Variants in EXOC2 observed in about 807,000 individuals in gnomAD.
The protein encoded by EXOC2 is SEC5-like 1.
A neutral mutation model predicts 131.8 loss-of-function variants in EXOC2; 70 were observed. That is an observed-to-expected ratio of 0.53 (90% CI 0.44 to 0.65). The LOEUF (loss-of-function observed/expected upper bound fraction) is 0.65. Ranked by LOEUF, EXOC2 falls within the 30% of genes least tolerant of loss-of-function variation. The pLI, the probability that EXOC2 is intolerant of heterozygous loss-of-function variation, is 0.00. For synonymous variants in EXOC2, 411 were observed against 398.4 expected, an observed-to-expected ratio of 1.03 and a Z score of -0.38; for missense variants, 923 against 1,108.6, an observed-to-expected ratio of 0.83 and a Z score of 2.38.
rs149220675 is a variant in EXOC2 at position 500,203 on chromosome 6, C to T, written c.2381-503G>A. On this transcript the variant is annotated intron_variant, in intron 23 of 27. Transcript: ENST00000230449. ...AATATCAATTATAGCATCTTACTAC[C>T]AAAGGTGAAAGTCAAGTTATTGAGC... 3.5e-3 allele frequency among the ~76,000 whole-genome samples: 528 copies of T among 152,206 alleles called. 4 individuals carry two copies. Among genetic ancestry groups the T allele is most frequent in the Middle Eastern group, 0.02 (6 of 294 alleles).
At chr6:555,805 C>T (rs544296468) in intron 19 of EXOC2, 149 bp downstream of exon 19, 2 of 725,328 alleles carry the variant, frequency 2.8e-6, no homozygotes, top group East Asian at 2.8e-5. Flanking sequence ...AACTTTGTTA[C>T]CCACTTACCT....
At position 562,818 on chromosome 6, in the gene EXOC2, T is replaced by C; in HGVS notation, c.1817A>G (p.Asp606Gly). The C allele has an allele frequency of 6.3e-7, 1 of 1,599,718 alleles. No individual in the cohort carries two copies. Among genetic ancestry groups the C allele is most frequent in the Admixed American group, 1.7e-5 (1 of 57,742 alleles). Residue 606 changes from aspartate (D) to glycine (G), a missense_variant, in exon 17 of 28, where the codon GAC (aspartate) becomes GGC (glycine). Physicochemically the swap from Asp to Gly is moderately conservative, Grantham distance 94. Transcript: ENST00000230449. ...CAGTCCTTCATTGTCAACAATCCAG[T>C]CTTCTTTTTCAGCTAATCTCTTTAT... ...EEIKRLAEKE[D>G]WIVDNEGLTS...
intron 11 of EXOC2, among the ~76,000 whole-genome samples, chr6:577,748 T>C (rs1458218107): frequency 6.6e-6 from 1 of 152,210 alleles, no homozygotes; most frequent in Non-Finnish European, 1.5e-5. Flanking sequence ...CACTTGAATA[T>C]TCTCCCTACA....
intron 1 of EXOC2, chr6:657,345 T>G (rs1424217595): frequency 6.3e-6 from 1 of 159,396 alleles, no homozygotes; most frequent in East Asian, 1.8e-4. Flanking sequence ...AATCGGCATA[T>G]AAGAAGATAT....
At chr6:628,114 C>A (rs1311485400) in intron 4 of EXOC2, among the ~76,000 whole-genome samples, 1 of 152,192 alleles carries the variant, frequency 6.6e-6, no homozygotes, top group East Asian at 1.9e-4. Flanking sequence ...CTCCTCACTT[C>A]CTGATTCCTC....
At chr6:651,167 A>G (rs965857836) in intron 1 of EXOC2, among the ~76,000 whole-genome samples, 5 of 151,926 alleles carry the variant, frequency 3.3e-5, no homozygotes, top group African/African-American at 1.2e-4. Context: ...AATAGCTGAG[A>G]CTACAGGCGC....
intron 2 of EXOC2, among the ~76,000 whole-genome samples, chr6:633,655 T>A (rs934008021): frequency 6.2e-4 from 94 of 152,206 alleles, no homozygotes; most frequent in African/African-American, 2.0e-3. Context: ...AGTCAGGTAA[T>A]CTAGTGAAGT....
Position 494,577 on chromosome 6 carries a change from C to T in EXOC2, c.2559+2790G>A, listed in dbSNP as rs1030172126. ...ACAATACAGAACCAGCACCCTGTGA[C>T]GATCCCTAAGGCCCCACCCTAGGAA... On this transcript the variant is annotated intron_variant, in intron 25 of 27. Coordinates refer to ENST00000230449, the MANE Select transcript of EXOC2 (RefSeq NM_018303.6). Among the ~76,000 whole-genome samples the T allele has an allele frequency of 4.6e-5, 7 of 152,100 alleles. No homozygotes were observed. In the East Asian group the frequency reaches 5.8e-4, roughly 13 times the overall value.
rs540182027 is a variant in EXOC2 at position 617,624 on chromosome 6, G to A, written c.661+87C>T. 1.4e-4 allele frequency: 207 copies of A among 1,454,992 alleles called. 2 individuals carry two copies. In the South Asian group the frequency reaches 2.1e-3, roughly 15 times the overall value. 90.1% of individuals were successfully genotyped at this position (1,454,992 alleles called of 1,614,324 possible). On this transcript the variant is annotated intron_variant, in intron 6 of 27. Transcript: ENST00000230449. ...ATCTCTACTTTGATAAAAACAGACC[G>A]AGTGTCACACCCTGTAAACACCCTG...
chr6:647,953 C>T (rs11963095), intron 1 of EXOC2, among the ~76,000 whole-genome samples: 8,055 of 152,070 alleles, frequency 0.053, 405 homozygotes, highest in African/African-American at 0.13. Context: ...GTCTTCCAGA[C>T]GCACAAAGCA....
intron 21 of EXOC2, 120 bp from the exon 22 acceptor site, chr6:549,411 T>C (rs1757031830): frequency 1.2e-5 from 8 of 675,384 alleles, no homozygotes; most frequent in Non-Finnish European, 1.8e-5. Context: ...AATGCTTTGC[T>C]TTTCTTGGCT....
rs1759922160 is a variant in EXOC2 at position 598,115 on chromosome 6, C to T, written c.979G>A (p.Glu327Lys). The change falls in exon 10 of 28, where the codon GAA (glutamate) becomes AAA (lysine). Residue 327 changes from glutamate to lysine, a missense_variant. Glu to Lys is a moderately conservative substitution (Grantham distance 56, BLOSUM62 1). Coordinates refer to ENST00000230449, the MANE Select transcript of EXOC2 (RefSeq NM_018303.6). Reference sequence around the variant, plus strand: ...AAAGCTTCAATCCTTGTTTCTACTTCAGCATAATCTATTTAAAAAGAAAAG... The same window carrying T: ...AAAGCTTCAATCCTTGTTTCTACTTTAGCATAATCTATTTAAAAAGAAAAG... ...EVQVFKKYYA[E>K]VETRIEALRE... 1 of 1,604,410 alleles carries T rather than the reference C, an allele frequency of 6.2e-7. No homozygotes were observed. The highest frequency in any genetic ancestry group is 1.3e-5 in the African/African-American group (1 of 74,566).
At chr6:643,649 A>G (rs908035625) in intron 1 of EXOC2, among the ~76,000 whole-genome samples, 4 of 152,084 alleles carry the variant, frequency 2.6e-5, no homozygotes, top group African/African-American at 9.6e-5. Flanking sequence ...ATAAACTCAA[A>G]GTAAAGGGGA....
chr6:510,442 G>C (rs914240009), intron 23 of EXOC2, among the ~76,000 whole-genome samples: 6 of 151,998 alleles, frequency 3.9e-5, no homozygotes, highest in African/African-American at 1.5e-4. Flanking sequence ...ATCTCAATAG[G>C]AAAACTCTTT....
chr6:514,718 G>A (rs553305684), intron 23 of EXOC2, among the ~76,000 whole-genome samples: 148 of 152,346 alleles, frequency 9.7e-4, no homozygotes, highest in Middle Eastern at 3.4e-3. Context: ...GAAGCCCAAG[G>A]GACGCAGAGG....
At chr6:572,782 G>C (rs927075818) in intron 12 of EXOC2, 138 bp from the exon 13 acceptor site, 1 of 1,081,674 alleles carries the variant, frequency 9.2e-7, no homozygotes. Flanking sequence ...GTGGACGCTC[G>C]CGGCCCACCT....
At chr6:624,582 CCT>C (rs1240691289) in intron 4 of EXOC2, among the ~76,000 whole-genome samples, 2 of 152,132 alleles carry the variant, frequency 1.3e-5, no homozygotes, top group Non-Finnish European at 2.9e-5. Context: ...GAGGAAATGG[CCT>C]CTGAGAGGTT....
chr6:491,696 T>C (rs1049326435), intron 25 of EXOC2, among the ~76,000 whole-genome samples: 2 of 152,224 alleles, frequency 1.3e-5, no homozygotes, highest in African/African-American at 4.8e-5. Context: ...AGCTGCTTTT[T>C]TTTTCCTTAA....
chr6:515,170 T>C (rs867185176), intron 23 of EXOC2, among the ~76,000 whole-genome samples: 5 of 152,204 alleles, frequency 3.3e-5, no homozygotes, highest in African/African-American at 1.2e-4. Context: ...AGCTGAGCTC[T>C]AAGAATTACT....
Sources: gnomAD v4.1 joint callset for allele counts (sites outside exome capture counted in the v4.1 genomes callset) on GRCh38, gnomAD v4.1.1 for gene constraint, MANE v1.5 for transcripts, NCBI Gene and HGNC (gene_info 2026-07-23, HGNC 2026-07-21) for gene names.